IFI16: variants seen among roughly 807,000 people sequenced by gnomAD.
IFI16 encodes interferon gamma inducible protein 16.
Under a neutral mutation model 68.4 loss-of-function variants are expected in IFI16, and 49 were observed. That is an observed-to-expected ratio of 0.72 (90% confidence interval 0.57 to 0.91). The LOEUF (loss-of-function observed/expected upper bound fraction) is 0.91, where lower values mean the gene tolerates loss of function less well. Among genes scored for constraint, IFI16 ranks in the 40% least tolerant of loss-of-function variants. IFI16 has a pLI of 0.00. For missense variants in IFI16, 878 were observed against 942.9 expected, an observed-to-expected ratio of 0.93 and a Z score of 0.90; for synonymous variants, 307 against 315.0, an observed-to-expected ratio of 0.97 and a Z score of 0.27.
At chr1:159,048,917 A>G (rs1359956312) in intron 8 of IFI16, among the ~76,000 whole-genome samples, 2 of 151,564 alleles carry the variant, frequency 1.3e-5, no homozygotes, top group Non-Finnish European at 3.0e-5. Flanking sequence ...TGTAGTGATC[A>G]TAGAACCTTC....
At chr1:159,014,596 A>T in intron 1 of IFI16, 65 bp from the exon 2 acceptor site, 2 of 1,066,746 alleles carry the variant, frequency 1.9e-6, no homozygotes, top group Non-Finnish European at 2.7e-6. Flanking sequence ...TCACTCACAT[A>T]GGCATACATC....
At chr1:159,038,288 G>A (rs1250385536) in intron 7 of IFI16, among the ~76,000 whole-genome samples, 1 of 152,072 alleles carries the variant, frequency 6.6e-6, no homozygotes, top group East Asian at 1.9e-4. Flanking sequence ...TATAGGGTTG[G>A]GTGTTCGAAA....
At chr1:159,047,870 G>GCATA (rs1655093637) in intron 8 of IFI16, among the ~76,000 whole-genome samples, 2 of 150,846 alleles carry the variant, frequency 1.3e-5, no homozygotes, top group Admixed American at 1.3e-4. Flanking sequence ...GTACACAAGG[G>GCATA]CATAATTCAT....
rs140417532 is a variant in IFI16 at position 159,010,442 on chromosome 1, T to C, written c.-21+281T>C. ...TTAATTATCCGAGTGTATACTGGCATAAGTTGGTACTTAGAAGAGGGCTTC... is the reference window on the plus strand; with the variant it reads ...TTAATTATCCGAGTGTATACTGGCACAAGTTGGTACTTAGAAGAGGGCTTC... On this transcript the variant is annotated intron_variant, in intron 1 of 11. Coordinates refer to ENST00000295809, the MANE Select transcript of IFI16 (RefSeq NM_001376587.1). Among the ~76,000 whole-genome samples the C allele has an allele frequency of 2.0e-5, 3 of 152,370 alleles. No individual in the cohort carries two copies. The East Asian group carries it at 5.8e-4, about 29-fold the overall frequency.
chr1:159,026,562 G>A (rs1175670115), intron 6 of IFI16, among the ~76,000 whole-genome samples: 2 of 152,062 alleles, frequency 1.3e-5, no homozygotes, highest in East Asian at 1.9e-4. Flanking sequence ...GCCTCCCAAA[G>A]TGCTAAGATT....
At chr1:159,025,322 G>A (rs572265919) in intron 6 of IFI16, among the ~76,000 whole-genome samples, 63 of 151,258 alleles carry the variant, frequency 4.2e-4, no homozygotes, top group Non-Finnish European at 7.4e-4. Flanking sequence ...GGCCACCCTC[G>A]GGACTTAAAA....
At chr1:159,011,830 A>G (rs1379118794) in intron 1 of IFI16, among the ~76,000 whole-genome samples, 1 of 152,184 alleles carries the variant, frequency 6.6e-6, no homozygotes, top group Non-Finnish European at 1.5e-5. Flanking sequence ...AATTTGATGA[A>G]AGTTGTCACT....
chr1:159,052,511 C>T (rs919716639), intron 10 of IFI16: 5 of 163,600 alleles, frequency 3.1e-5, no homozygotes, highest in Admixed American at 1.1e-4. Context: ...AGCCTGAATC[C>T]TGATTGTGAC....
At chr1:159,043,099 AT>A (rs1004970865) in intron 7 of IFI16, among the ~76,000 whole-genome samples, 1 of 152,054 alleles carries the variant, frequency 6.6e-6, no homozygotes, top group South Asian at 2.1e-4. Flanking sequence ...GGTTTTCTCA[AT>A]TTTTTAGACA....
chr1:159,050,779 C>T (rs1336839198), intron 9 of IFI16, among the ~76,000 whole-genome samples: 2 of 152,008 alleles, frequency 1.3e-5, no homozygotes, highest in African/African-American at 4.8e-5. Flanking sequence ...TAATTTTTCA[C>T]GTCCATGACT....
chr1:159,014,358 C>A (rs1215037220), intron 1 of IFI16, among the ~76,000 whole-genome samples: 1 of 152,152 alleles, frequency 6.6e-6, no homozygotes, highest in Non-Finnish European at 1.5e-5. Context: ...GAAGAGGAAC[C>A]AAGGGCTTTG....
rs75796001 is a variant in IFI16 at position 159,020,371 on chromosome 1, G to A, written c.1003G>A (p.Glu335Lys). 63 of 1,610,470 alleles carry A rather than the reference G, an allele frequency of 3.9e-5. No individual in the cohort carries two copies. The highest frequency in any genetic ancestry group is 3.3e-4 in the Middle Eastern group (2 of 6,048). The change falls in exon 6 of 12, where the codon GAA becomes AAA. Residue 335 changes from glutamate (E) to lysine (K), a missense_variant. Coordinates refer to ENST00000295809, the MANE Select transcript of IFI16 (RefSeq NM_001376587.1). ...AGTAAATCAGAAGACCACAATCTACGAAATTCAGGATGATAGAGGAAAAAT... is the reference window on the plus strand; with the variant it reads ...AGTAAATCAGAAGACCACAATCTACAAAATTCAGGATGATAGAGGAAAAAT... ...KTVNQKTTIY[E>K]IQDDRGKMDV...
rs763228265 is a variant in IFI16 at position 159,018,583 on chromosome 1, C to G, written c.904C>G (p.Leu302Val). 1.2e-6 allele frequency: 2 copies of G among 1,613,568 alleles called. No individual in the cohort carries two copies. Among genetic ancestry groups the G allele is most frequent in the Non-Finnish European group, 1.7e-6 (2 of 1,179,530 alleles). Residue 302 changes from leucine (L) to valine (V), a missense_variant, in exon 5 of 12, where the codon CTG becomes GTG. Leu to Val is a conservative substitution (Grantham distance 32). Transcript: ENST00000295809. ...AATCATCAACAGAGCAAAGGAAACT[C>G]TGAAGATTGATATTCTTCACAAACA... ...NKIINRAKET[L>V]KIDILHKQAS... is the part of the protein sequence containing the mutation.
At position 159,020,524 on chromosome 1, in the gene IFI16, A is replaced by T. The variant is rs1217444575; in HGVS notation, c.1156A>T (p.Ile386Phe). 1 of 1,603,490 alleles carries T rather than the reference A, an allele frequency of 6.2e-7. No individual in the cohort carries two copies. The highest frequency in any genetic ancestry group is 2.2e-5 in the East Asian group (1 of 44,788). The change falls in exon 6 of 12, where the codon ATC becomes TTC. Residue 386 changes from isoleucine (I) to phenylalanine (F), a missense_variant. Ile to Phe is a conservative substitution (Grantham distance 21). Coordinates refer to ENST00000295809, the MANE Select transcript of IFI16 (RefSeq NM_001376587.1). Reference sequence around the variant, plus strand: ...ACTGATTTCAGAAATGCATAGTTTTATCCAGGTAAGAATTAAATAGGCAAA... The same window carrying T: ...ACTGATTTCAGAAATGCATAGTTTTTTCCAGGTAAGAATTAAATAGGCAAA... Reference protein sequence around the residue: ...SKLISEMHSFIQIKKKTNPRN... With the variant: ...SKLISEMHSFFQIKKKTNPRN...
chr1:159,052,141 C>T, intron 10 of IFI16, 43 bp downstream of exon 10: 2 of 1,508,422 alleles, frequency 1.3e-6, no homozygotes, highest in Non-Finnish European at 1.8e-6. Context: ...CCTGCAACCT[C>T]CAATTTTTAA....
upstream of IFI16, among the ~76,000 whole-genome samples, chr1:159,005,053 A>C (rs1296298593): frequency 6.6e-6 from 1 of 152,150 alleles, no homozygotes; most frequent in African/African-American, 2.4e-5. Flanking sequence ...AGATCATGAG[A>C]ATTTCACTCA....
At chr1:159,025,772 G>A (rs7545770) in intron 6 of IFI16, among the ~76,000 whole-genome samples, 42,830 of 151,812 alleles carry the variant, frequency 0.28, 8,082 homozygotes, top group African/African-American at 0.54. Flanking sequence ...AGGTTTTTCC[G>A]ATATTATCTT....
intron 6 of IFI16, among the ~76,000 whole-genome samples, chr1:159,028,691 G>A (rs1653812531): frequency 6.6e-6 from 1 of 151,908 alleles, no homozygotes; most frequent in South Asian, 2.1e-4. Context: ...TATAAATTTG[G>A]GAGCTCCAGT....
At chr1:159,044,734 C>G (rs1654874890) in intron 7 of IFI16, among the ~76,000 whole-genome samples, 1 of 152,126 alleles carries the variant, frequency 6.6e-6, no homozygotes, top group Non-Finnish European at 1.5e-5. Flanking sequence ...CTGAATACAG[C>G]TAAAAACTCT....
Sources: allele counts gnomAD v4.1 joint callset (sites outside exome capture counted in the v4.1 genomes callset), GRCh38; gene constraint gnomAD v4.1.1; transcripts MANE v1.5; gene names NCBI Gene and HGNC (gene_info 2026-07-23, HGNC 2026-07-21).